LNP1: variants seen among roughly 807,000 people sequenced by gnomAD.
LNP1 encodes leukemia NUP98 fusion partner 1.
LNP1 carries 12 observed loss-of-function variants against 14.5 expected under a neutral mutation model. The ratio of observed to expected loss-of-function variants is 0.83; its 90% confidence interval spans 0.53 to 1.34. The LOEUF (loss-of-function observed/expected upper bound fraction) is 1.34. LNP1 is among the 40% of genes most tolerant of loss of function. The probability of loss-of-function intolerance (pLI) is 0.00; values close to 1 mark genes in which losing one functional copy is unlikely to be tolerated. For synonymous variants in LNP1, 75 were observed against 71.4 expected (o/e 1.05, Z -0.26); for missense variants, 198 against 210.9 (o/e 0.94, Z 0.38).
rs1391545328 is a variant in LNP1 at position 100,429,784 on chromosome 3, A to C, written c.55A>C (p.Ser19Arg). 4 of 1,613,840 alleles carry C rather than the reference A, an allele frequency of 2.5e-6. No homozygotes were observed. Among genetic ancestry groups the C allele is most frequent in the Non-Finnish European group, 3.4e-6 (4 of 1,179,954 alleles). Residue 19 changes from serine (S) to arginine (R), a missense_variant, in exon 2 of 4, where the codon AGC (serine) becomes CGC (arginine). Transcript: ENST00000383693. Reference sequence around the variant, plus strand: ...TGTGTCTTTTGCCAAATGGATGAGCAGCTTCTGGGGCCACAGCTGGAGAGA... The same window carrying C: ...TGTGTCTTTTGCCAAATGGATGAGCCGCTTCTGGGGCCACAGCTGGAGAGA... Reference protein sequence around the residue: ...DDVSFAKWMSSFWGHSWREED... With the variant: ...DDVSFAKWMSRFWGHSWREED...
At chr3:100,448,358 A>G (rs1707407964) in intron 2 of LNP1, among the ~76,000 whole-genome samples, 1 of 152,204 alleles carries the variant, frequency 6.6e-6, no homozygotes, top group Non-Finnish European at 1.5e-5. Context: ...GCCTAAAACC[A>G]CAAGATTAGA....
At chr3:100,420,615 C>A (rs1181331141) in intron 1 of LNP1, among the ~76,000 whole-genome samples, 2 of 152,032 alleles carry the variant, frequency 1.3e-5, no homozygotes, top group African/African-American at 4.8e-5. Flanking sequence ...CCATGCCTGG[C>A]CTTTGTTTTC....
intron 2 of LNP1, among the ~76,000 whole-genome samples, chr3:100,432,840 A>T (rs551517832): frequency 1.3e-5 from 2 of 152,252 alleles, no homozygotes; most frequent in Non-Finnish European, 1.5e-5. Flanking sequence ...ACATTGTTCT[A>T]TGTAGTCTGG....
rs148761495 is a variant in LNP1 at position 100,406,147 on chromosome 3, A to T, written c.-34+3708A>T. Among the ~76,000 whole-genome samples the T allele has an allele frequency of 4.0e-3, 612 of 152,244 alleles. 3 individuals carry two copies. Among genetic ancestry groups the T allele is most frequent in the South Asian group, 7.9e-3 (38 of 4,830 alleles). On this transcript the variant is annotated intron_variant, in intron 1 of 3. Transcript: ENST00000383693. ...CTAAAAATACAAAAATTAGCCGGGC[A>T]TGGTGGCACATGCCTGTAATCCCAG...
chr3:100,427,504 C>T (rs572147778), intron 1 of LNP1, among the ~76,000 whole-genome samples: 39 of 152,272 alleles, frequency 2.6e-4, no homozygotes, highest in Admixed American at 2.1e-3. Context: ...GCTAGGTAGC[C>T]ACTGGGCATT....
intron 1 of LNP1, among the ~76,000 whole-genome samples, chr3:100,404,653 A>G (rs1706945953): frequency 6.6e-6 from 1 of 152,106 alleles, no homozygotes; most frequent in African/African-American, 2.4e-5. Flanking sequence ...CTGTCTATAT[A>G]TCTTTTGGCA....
chr3:100,414,448 G>A (rs1447497073), intron 1 of LNP1, among the ~76,000 whole-genome samples: 4 of 151,998 alleles, frequency 2.6e-5, no homozygotes, highest in Admixed American at 6.6e-5. Flanking sequence ...TTGGGAGACC[G>A]AGGCAGGAGA....
intron 1 of LNP1, among the ~76,000 whole-genome samples, chr3:100,420,844 G>A (rs1047460111): frequency 6.6e-6 from 1 of 151,256 alleles, no homozygotes. Context: ...TATGCTTTTG[G>A]TGTCAAGTCT....
intron 1 of LNP1, among the ~76,000 whole-genome samples, chr3:100,416,848 G>A (rs1707089368): frequency 6.6e-6 from 1 of 151,536 alleles, no homozygotes; most frequent in African/African-American, 2.4e-5. Context: ...AGCCCCGCAT[G>A]CATTAGGTAT....
chr3:100,434,912 A>G lies in LNP1; in HGVS notation c.156+5027A>G, dbSNP rs142408630. On this transcript the variant is annotated intron_variant, in intron 2 of 3. Transcript: ENST00000383693. ...TGCTCTCAATTTACAGTGATGAAAGATATTTGTAATTTTAGTTTTTTATTG... is the reference window on the plus strand; with the variant it reads ...TGCTCTCAATTTACAGTGATGAAAGGTATTTGTAATTTTAGTTTTTTATTG... Among the ~76,000 whole-genome samples, 446 of 150,388 alleles carry G rather than the reference A, an allele frequency of 3.0e-3. 4 individuals carry two copies. Among genetic ancestry groups the G allele is most frequent in the African/African-American group, 8.5e-3 (347 of 40,814 alleles).
At chr3:100,451,342 T>C (rs1187333997) in intron 2 of LNP1, among the ~76,000 whole-genome samples, 1 of 152,124 alleles carries the variant, frequency 6.6e-6, no homozygotes, top group African/African-American at 2.4e-5. Context: ...AACTCAAAGG[T>C]GGGAAAACCC....
chr3:100,446,867 T>C (rs979104868), intron 2 of LNP1, among the ~76,000 whole-genome samples: 2 of 152,306 alleles, frequency 1.3e-5, no homozygotes, highest in South Asian at 2.1e-4. Flanking sequence ...TCATCACTGG[T>C]CATCAGAGAA....
At chr3:100,447,604 A>T (rs963196413) in intron 2 of LNP1, among the ~76,000 whole-genome samples, 2 of 137,152 alleles carry the variant, frequency 1.5e-5, no homozygotes, top group African/African-American at 2.7e-5. Flanking sequence ...ATAATTTAAA[A>T]AAAAAGAATT....
At position 100,456,028 on chromosome 3, in the gene LNP1, T is replaced by A. The variant is rs529061583; in HGVS notation, c.*102T>A. ...ATGTGGATGGGGGCGGGGTTGGGGGTAAAAACAGCTATAAAAAGCAACTGC... is the reference window on the plus strand; with the variant it reads ...ATGTGGATGGGGGCGGGGTTGGGGGAAAAAACAGCTATAAAAAGCAACTGC... On this transcript the variant is annotated 3_prime_UTR_variant, in exon 4 of 4. Coordinates refer to ENST00000383693, the MANE Select transcript of LNP1 (RefSeq NM_001085451.2). 2.3e-5 allele frequency: 30 copies of A among 1,288,116 alleles called. No individual in the cohort carries two copies. The East Asian group carries it at 6.6e-4, about 28-fold the overall frequency. 79.8% of individuals were successfully genotyped at this position (1,288,116 alleles called of 1,614,324 possible).
chr3:100,433,435 A>C (rs527485695), intron 2 of LNP1, among the ~76,000 whole-genome samples: 2 of 152,292 alleles, frequency 1.3e-5, no homozygotes, highest in East Asian at 3.9e-4. Flanking sequence ...TCCATGGTGT[A>C]TATGCACCAC....
At chr3:100,404,651 A>G (rs1706945935) in intron 1 of LNP1, among the ~76,000 whole-genome samples, 2 of 152,088 alleles carry the variant, frequency 1.3e-5, no homozygotes, top group South Asian at 4.2e-4. Flanking sequence ...CACTGTCTAT[A>G]TATCTTTTGG....
rs755197709 is a variant in LNP1, at chr3:100,451,885, T to C, written c.323T>C (p.Ile108Thr). 8.5e-6 allele frequency: 12 copies of C among 1,416,716 alleles called. No homozygotes were observed. In the South Asian group the frequency reaches 8.5e-5, roughly 10 times the overall value. The allele number at this position is 1,416,716 out of a possible 1,614,324, so 87.8% of individuals were successfully genotyped here. The change falls in exon 3 of 4, where the codon ATT becomes ACT. Residue 108 changes from isoleucine (I) to threonine (T), a missense_variant. Ile to Thr is a moderately conservative substitution (Grantham distance 89). Coordinates refer to ENST00000383693, the MANE Select transcript of LNP1 (RefSeq NM_001085451.2). The part of the protein sequence containing the change: ...LESKGRSHSK[I>T]EKFSESFERQ... ...TCAAAAGGAAGATCCCATTCCAAAA[T>C]TGAGAAATTTTCAGAGTCCTTTGAA... is the stretch of plus-strand genomic sequence containing the variant.
intron 1 of LNP1, among the ~76,000 whole-genome samples, chr3:100,427,635 G>A (rs1372035774): frequency 1.3e-5 from 2 of 152,182 alleles, no homozygotes; most frequent in Non-Finnish European, 2.9e-5. Context: ...GTCATCCCCA[G>A]TTTGGGGATT....
chr3:100,419,783 C>T (rs933393229), intron 1 of LNP1, among the ~76,000 whole-genome samples: 11 of 151,746 alleles, frequency 7.2e-5, no homozygotes, highest in East Asian at 1.9e-4. Context: ...AACTTTTTTA[C>T]GCAGCATAGT....
Sources: gnomAD v4.1 joint callset for allele counts (sites outside exome capture counted in the v4.1 genomes callset) on GRCh38, gnomAD v4.1.1 for gene constraint, MANE v1.5 for transcripts, NCBI Gene and HGNC (gene_info 2026-07-23, HGNC 2026-07-21) for gene names.